CNTNAP5: variants seen among roughly 807,000 people sequenced by gnomAD.
CNTNAP5 encodes the protein contactin-associated protein-like 5.
A neutral mutation model predicts 150.2 loss-of-function variants in CNTNAP5; 72 were observed. That is an observed-to-expected ratio of 0.48 (90% confidence interval 0.40 to 0.58). The LOEUF (loss-of-function observed/expected upper bound fraction) is 0.58. Among genes scored for constraint, CNTNAP5 ranks in the 20% least tolerant of loss-of-function variants. The pLI is 0.00. For synonymous variants in CNTNAP5, 672 were observed against 619.8 expected (o/e 1.08, Z -1.25); for missense variants, 1,636 against 1,626.2 (o/e 1.01, Z -0.10).
chr2:124,755,078 T>C (rs1680811384), intron 14 of CNTNAP5, among the ~76,000 whole-genome samples: 1 of 152,062 alleles, frequency 6.6e-6, no homozygotes, highest in African/African-American at 2.4e-5. Context: ...CAGGTTTTTT[T>C]TTTCTTTCTT....
At chr2:124,775,958 C>G (rs777091343) in intron 17 of CNTNAP5, among the ~76,000 whole-genome samples, 26 of 152,166 alleles carry the variant, frequency 1.7e-4, no homozygotes, top group Middle Eastern at 3.4e-3. Context: ...GGTCAGATGC[C>G]AACAAGCCAT....
rs958165033 is a variant in CNTNAP5, at chr2:124,713,253, C to A, written c.2078-33976C>A. Among the ~76,000 whole-genome samples, 68 of 97,458 alleles carry A rather than the reference C, an allele frequency of 7.0e-4. 6 individuals carry two copies. Among genetic ancestry groups the A allele is most frequent in the African/African-American group, 2.2e-3 (62 of 28,530 alleles). 63.9% of individuals were successfully genotyped at this position (97,458 alleles called of 152,430 possible). On this transcript the variant is annotated intron_variant, in intron 13 of 23. Coordinates refer to ENST00000682447, the MANE Select transcript of CNTNAP5 (RefSeq NM_001367498.1). ...TTTCTTTCTTTCTTTCTCTTTCTTT[C>A]TTTCTTTCTTTCTTTCTTTCTTTCT...
At chr2:124,323,289 C>T (rs17011420) in intron 3 of CNTNAP5, among the ~76,000 whole-genome samples, 51,330 of 151,994 alleles carry the variant, frequency 0.34, 9,184 homozygotes, top group African/African-American at 0.38. Flanking sequence ...ATAGCATCTC[C>T]AGTTGCCTGA....
chr2:124,672,972 AC>A (rs1289106443), intron 13 of CNTNAP5, among the ~76,000 whole-genome samples: 1 of 152,196 alleles, frequency 6.6e-6, no homozygotes, highest in Admixed American at 6.6e-5. Flanking sequence ...AGAATGCATC[AC>A]AGAGCAAAGA....
At chr2:124,264,989 A>G (rs1687569265) in intron 3 of CNTNAP5, among the ~76,000 whole-genome samples, 1 of 152,206 alleles carries the variant, frequency 6.6e-6, no homozygotes, top group Non-Finnish European at 1.5e-5. Flanking sequence ...CGTCAGTAAC[A>G]CAGACCTCCT....
chr2:124,422,703 G>A (rs976213223), intron 4 of CNTNAP5, among the ~76,000 whole-genome samples: 19 of 152,146 alleles, frequency 1.2e-4, no homozygotes, highest in Admixed American at 3.3e-4. Context: ...GCAGCTCCAC[G>A]TACAAAGTTT....
At chr2:124,727,133 G>T (rs1181492208) in intron 13 of CNTNAP5, among the ~76,000 whole-genome samples, 1 of 151,984 alleles carries the variant, frequency 6.6e-6, no homozygotes, top group Non-Finnish European at 1.5e-5. Flanking sequence ...CTTGCCAAAG[G>T]TAGTTGACTC....
chr2:124,198,897 T>C (rs1170599391), intron 1 of CNTNAP5, among the ~76,000 whole-genome samples: 1 of 151,706 alleles, frequency 6.6e-6, no homozygotes, highest in Non-Finnish European at 1.5e-5. Context: ...CTGTAAATTC[T>C]ATTCCTTTCT....
intron 3 of CNTNAP5, among the ~76,000 whole-genome samples, chr2:124,257,981 A>G (rs1687356112): frequency 6.6e-6 from 1 of 152,132 alleles, no homozygotes; most frequent in Non-Finnish European, 1.5e-5. Flanking sequence ...CAATTGATGC[A>G]TTTGCTGGGG....
intron 4 of CNTNAP5, among the ~76,000 whole-genome samples, chr2:124,426,311 A>C (rs1285394176): frequency 2.0e-5 from 3 of 152,170 alleles, no homozygotes; most frequent in African/African-American, 7.2e-5. Context: ...AGTTCATCTG[A>C]GGTAATCAGA....
chr2:124,229,414 G>A (rs1045176429), intron 2 of CNTNAP5, among the ~76,000 whole-genome samples: 8 of 152,090 alleles, frequency 5.3e-5, no homozygotes, highest in Non-Finnish European at 1.2e-4. Flanking sequence ...CTATCTCATC[G>A]ATAGAAGGGA....
intron 3 of CNTNAP5, among the ~76,000 whole-genome samples, chr2:124,383,001 C>G (rs1236347928): frequency 6.6e-6 from 1 of 151,996 alleles, no homozygotes; most frequent in Non-Finnish European, 1.5e-5. Flanking sequence ...TTCAAATAAA[C>G]TCCTACAAAC....
At chr2:124,763,921 T>C in intron 15 of CNTNAP5, 56 bp from the exon 16 acceptor site, 2 of 1,597,962 alleles carry the variant, frequency 1.3e-6, no homozygotes, top group Non-Finnish European at 1.7e-6. Context: ...TGTCCAGTGC[T>C]TTCCCATACC....
chr2:124,189,496 G>C (rs950750411), intron 1 of CNTNAP5, among the ~76,000 whole-genome samples: 62 of 152,124 alleles, frequency 4.1e-4, no homozygotes, highest in Non-Finnish European at 1.3e-4. Context: ...CCGCAACTTT[G>C]AATTGTGATT....
chr2:124,434,820 G>T, intron 5 of CNTNAP5, 133 bp downstream of exon 5: 1 of 756,264 alleles, frequency 1.3e-6, no homozygotes, highest in South Asian at 1.8e-5. Flanking sequence ...GGTGGGGATA[G>T]AAATGTTTAA....
At chr2:124,037,260 C>A (rs1681249717) in intron 1 of CNTNAP5, among the ~76,000 whole-genome samples, 1 of 152,212 alleles carries the variant, frequency 6.6e-6, no homozygotes, top group Non-Finnish European at 1.5e-5. Context: ...CTATTAGTGT[C>A]TGTTCCTGAG....
chr2:124,268,693 C>A (rs1687672159), intron 3 of CNTNAP5, among the ~76,000 whole-genome samples: 1 of 152,188 alleles, frequency 6.6e-6, no homozygotes, highest in East Asian at 1.9e-4. Flanking sequence ...TGACTCCATC[C>A]TTCAAGTCAC....
chr2:124,791,484 C>G (rs1681727676), intron 18 of CNTNAP5, among the ~76,000 whole-genome samples: 1 of 152,166 alleles, frequency 6.6e-6, no homozygotes. Flanking sequence ...AGTGTGAATG[C>G]TTCCCTTTGA....
intron 1 of CNTNAP5, among the ~76,000 whole-genome samples, chr2:124,162,052 C>G (rs943226562): frequency 6.6e-6 from 1 of 152,148 alleles, no homozygotes; most frequent in Non-Finnish European, 1.5e-5. Context: ...GCTCATTCAA[C>G]TTGAATCCTG....
Sources: allele counts gnomAD v4.1 joint callset (sites outside exome capture counted in the v4.1 genomes callset), GRCh38; gene constraint gnomAD v4.1.1; transcripts MANE v1.5; gene names NCBI Gene and HGNC (gene_info 2026-07-23, HGNC 2026-07-21).